TLN2: variants seen among roughly 807,000 people sequenced by gnomAD.
TLN2 encodes talin-2.
A neutral mutation model predicts 294.7 loss-of-function variants in TLN2; 118 were observed. The observed-to-expected ratio is 0.40, with a 90% CI of 0.34 to 0.47. TLN2 has a LOEUF of 0.47. Ranked by LOEUF, TLN2 falls within the 20% of genes least tolerant of loss-of-function variation. TLN2 has a pLI of 0.84. For missense variants in TLN2, 3,083 were observed against 3,282.2 expected, an observed-to-expected ratio of 0.94 and a Z score of 1.48; for synonymous variants, 1,431 against 1,304.5, an observed-to-expected ratio of 1.10 and a Z score of -2.09.
Position 62,414,187 on chromosome 15 carries a change from T to TAAATATAA in TLN2, c.-238+23503_-238+23504insAATATAAA, listed in dbSNP as rs1218706154. Among the ~76,000 whole-genome samples, 4 of 126,056 alleles carry TAAATATAA rather than the reference T, an allele frequency of 3.2e-5. 1 individual carries two copies. The highest frequency in any genetic ancestry group is 1.9e-4 in the Admixed American group (2 of 10,722). The allele number at this position is 126,056 out of a possible 152,430, so 82.7% of individuals were successfully genotyped here. ...AACTATATATATATATATATATATA[T>TAAATATAA]ATATAATTTGAGAAATTAAATCCTT... is the stretch of plus-strand genomic sequence containing the variant. On this transcript the variant is annotated intron_variant, in intron 1 of 58. Transcript: ENST00000636159.
chr15:62,416,929 C>T (rs1035964403), intron 1 of TLN2, among the ~76,000 whole-genome samples: 1 of 152,176 alleles, frequency 6.6e-6, no homozygotes, highest in African/African-American at 2.4e-5. Flanking sequence ...GGGCTCTGTT[C>T]TCCTCCCCAT....
At chr15:62,679,451 C>T (rs939145024) in intron 11 of TLN2, among the ~76,000 whole-genome samples, 13 of 151,968 alleles carry the variant, frequency 8.6e-5, no homozygotes, top group Non-Finnish European at 1.3e-4. Flanking sequence ...AATGAAGTAC[C>T]GATATATGCT....
intron 1 of TLN2, among the ~76,000 whole-genome samples, chr15:62,560,439 C>G (rs1028358999): frequency 2.0e-5 from 3 of 152,100 alleles, no homozygotes; most frequent in Non-Finnish European, 2.9e-5. Context: ...GATGGAGCCA[C>G]CTAAGTGGGC....
chr15:62,843,989 G>C lies in TLN2; in HGVS notation c.*3379G>C, dbSNP rs565441517. Reference sequence around the variant, plus strand: ...AGACTATCAGCATGTTCCATTCTCAGATTCCTGGAGGAAAGGTACCCTCTG... The same window carrying C: ...AGACTATCAGCATGTTCCATTCTCACATTCCTGGAGGAAAGGTACCCTCTG... On this transcript the variant is annotated 3_prime_UTR_variant, in exon 59 of 59. Coordinates refer to ENST00000636159, the MANE Select transcript of TLN2 (RefSeq NM_015059.3). The C allele has an allele frequency of 6.6e-6, 1 of 152,318 alleles. No homozygotes were observed. The highest frequency in any genetic ancestry group is 1.9e-4 in the East Asian group (1 of 5,176). The allele number at this position is 152,318 out of a possible 1,614,324, so 9.4% of individuals were successfully genotyped here.
intron 1 of TLN2, among the ~76,000 whole-genome samples, chr15:62,484,333 C>T (rs1262581137): frequency 6.6e-6 from 1 of 152,152 alleles, no homozygotes; most frequent in Non-Finnish European, 1.5e-5. Context: ...TCCTACGAAA[C>T]AAGAGCAGAT....
rs552841145 is a variant in TLN2, at chr15:62,817,396, T to A, written c.6772-2120T>A. On this transcript the variant is annotated intron_variant, in intron 52 of 58. Coordinates refer to ENST00000636159, the MANE Select transcript of TLN2 (RefSeq NM_015059.3). ...ATATATAGGCCCTAGTGTGAGAGAG[T>A]GAGAATCACAGAGCACCTGGAATCA... Among the ~76,000 whole-genome samples the A allele has an allele frequency of 4.7e-4, 72 of 152,062 alleles. 1 individual carries two copies. The highest frequency in any genetic ancestry group is 1.6e-3 in the African/African-American group (66 of 41,468).
chr15:62,473,591 C>G lies in TLN2; in HGVS notation c.-238+82906C>G, dbSNP rs1206637221. ...TTATTTTGAAAAATTGAGTACGGAG[C>G]ACAAACCTGTGTTTGTAAGGGAAGG... On this transcript the variant is annotated intron_variant, in intron 1 of 58. Coordinates refer to ENST00000636159, the MANE Select transcript of TLN2 (RefSeq NM_015059.3). Among the ~76,000 whole-genome samples, 4 of 152,124 alleles carry G rather than the reference C, an allele frequency of 2.6e-5. No homozygotes were observed. The East Asian group carries it at 7.7e-4, about 29-fold the overall frequency.
intron 1 of TLN2, among the ~76,000 whole-genome samples, chr15:62,452,664 A>G (rs1004663820): frequency 1.3e-5 from 2 of 152,156 alleles, no homozygotes; most frequent in Non-Finnish European, 2.9e-5. Flanking sequence ...TGACTACTCT[A>G]GGTACCTCAA....
At chr15:62,669,646 T>C (rs1016518703) in intron 9 of TLN2, among the ~76,000 whole-genome samples, 1 of 152,196 alleles carries the variant, frequency 6.6e-6, no homozygotes, top group East Asian at 1.9e-4. Flanking sequence ...TTTGATAGTC[T>C]GACCCATTTT....
At chr15:62,535,124 T>C (rs550475257) in intron 1 of TLN2, among the ~76,000 whole-genome samples, 28 of 152,308 alleles carry the variant, frequency 1.8e-4, no homozygotes, top group East Asian at 3.9e-4. Context: ...GATGTGATTT[T>C]ACTGTTTGGG....
chr15:62,429,435 T>A (rs1310479894), intron 1 of TLN2, among the ~76,000 whole-genome samples: 2 of 152,198 alleles, frequency 1.3e-5, no homozygotes, highest in Non-Finnish European at 2.9e-5. Context: ...GCATTGTGGT[T>A]TCTAGCTGGT....
intron 2 of TLN2, among the ~76,000 whole-genome samples, chr15:62,594,706 A>C (rs904060425): frequency 6.6e-6 from 1 of 152,242 alleles, no homozygotes; most frequent in Non-Finnish European, 1.5e-5. Flanking sequence ...TAAAACTGTT[A>C]AAAGAAAACA....
intron 1 of TLN2, among the ~76,000 whole-genome samples, chr15:62,513,703 A>C (rs753804164): frequency 6.6e-6 from 1 of 152,336 alleles, no homozygotes; most frequent in East Asian, 1.9e-4. Flanking sequence ...AGTGTCTGGC[A>C]TATGGACAAC....
intron 2 of TLN2, among the ~76,000 whole-genome samples, chr15:62,605,549 C>T (rs1027111740): frequency 5.3e-5 from 8 of 152,094 alleles, no homozygotes; most frequent in Non-Finnish European, 1.2e-4. Flanking sequence ...ACCATCTTTT[C>T]CTACCAGAAC....
In TLN2 at chr15:62,617,676, CTGTT is replaced by C. The variant is rs1157039502; in HGVS notation, c.-161-672_-161-669del. Among the ~76,000 whole-genome samples the C allele has an allele frequency of 4.6e-5, 7 of 152,306 alleles. No individual in the cohort carries two copies. In the East Asian group the frequency reaches 1.4e-3, roughly 29 times the overall value. On this transcript the variant is annotated intron_variant, in intron 2 of 58. Coordinates refer to ENST00000636159, the MANE Select transcript of TLN2 (RefSeq NM_015059.3). ...AATCAGGTGCCGTGACAGCATCTGT[CTGTT>C]TGAAGTGTCTGCTACACTGAATGGC... is the stretch of plus-strand genomic sequence containing the variant.
chr15:62,795,481 C>A (rs1209530676), intron 46 of TLN2, among the ~76,000 whole-genome samples: 2 of 152,094 alleles, frequency 1.3e-5, no homozygotes, highest in African/African-American at 4.8e-5. Context: ...ATGGAAGACA[C>A]CCGAGTGAAC....
intron 41 of TLN2, among the ~76,000 whole-genome samples, chr15:62,767,503 G>T (rs1340419135): frequency 6.6e-6 from 1 of 151,980 alleles, no homozygotes; most frequent in Non-Finnish European, 1.5e-5. Context: ...CACCATGCCC[G>T]GCTAATTTTT....
At chr15:62,469,873 C>T (rs1277277873) in intron 1 of TLN2, among the ~76,000 whole-genome samples, 2 of 152,228 alleles carry the variant, frequency 1.3e-5, no homozygotes, top group Non-Finnish European at 2.9e-5. Flanking sequence ...TAAAACATCC[C>T]GGTGGATTTT....
chr15:62,556,298 C>G (rs1033517801), intron 1 of TLN2, among the ~76,000 whole-genome samples: 1 of 136,502 alleles, frequency 7.3e-6, no homozygotes, highest in East Asian at 2.1e-4. Flanking sequence ...TCTTTTTTTT[C>G]TCTTCTCTTC....
Sources: allele counts gnomAD v4.1 joint callset (sites outside exome capture counted in the v4.1 genomes callset), GRCh38; gene constraint gnomAD v4.1.1; transcripts MANE v1.5; gene names NCBI Gene and HGNC (gene_info 2026-07-23, HGNC 2026-07-21).